The following AKAP19 variants were observed in gnomAD, a reference collection of about 807,000 sequenced individuals.
AKAP19 encodes the protein small A-kinase anchoring protein.
At chr2:189,982,037 G>A in the AKAP19 span, among the ~76,000 whole-genome samples, 19 of 96,766 alleles carry the variant, frequency 2.0e-4, no homozygotes, top group African/African-American at 8.7e-4. Context: ...TCTTAAATCT[G>A]GGTGTTGAAC....
chr2:189,940,189 G>A, the AKAP19 span, among the ~76,000 whole-genome samples: 1 of 151,672 alleles, frequency 6.6e-6, no homozygotes, highest in East Asian at 1.9e-4. Context: ...TGAGGCAGGA[G>A]AATGGCATGA....
the AKAP19 span, among the ~76,000 whole-genome samples, chr2:190,159,096 C>A: frequency 1.3e-5 from 2 of 152,158 alleles, no homozygotes; most frequent in African/African-American, 2.4e-5. Context: ...GGGAACTAGA[C>A]AAGGTAGGAG....
the AKAP19 span, among the ~76,000 whole-genome samples, chr2:189,880,772 G>A: frequency 6.6e-6 from 1 of 152,104 alleles, no homozygotes; most frequent in Non-Finnish European, 1.5e-5. Flanking sequence ...CCTAATTAAT[G>A]CAAAGGAAAT....
At chr2:190,086,914 G>A in the AKAP19 span, among the ~76,000 whole-genome samples, 2 of 152,178 alleles carry the variant, frequency 1.3e-5, no homozygotes, top group Admixed American at 6.5e-5. Context: ...ACCTCAAAGT[G>A]GCTGATGTGG....
chr2:190,111,199 A>ATC, the AKAP19 span, among the ~76,000 whole-genome samples: 1 of 152,128 alleles, frequency 6.6e-6, no homozygotes, highest in Non-Finnish European at 1.5e-5. Flanking sequence ...GAGGCATAGG[A>ATC]TCTACCAGGT....
chr2:190,167,201 C>T, the AKAP19 span, among the ~76,000 whole-genome samples: 8 of 152,184 alleles, frequency 5.3e-5, no homozygotes, highest in Non-Finnish European at 5.9e-5. Flanking sequence ...GTGAAAGGCA[C>T]GTCTCACATT....
the AKAP19 span, chr2:189,924,150 T>G: frequency 6.2e-7 from 1 of 1,611,410 alleles, no homozygotes; most frequent in Non-Finnish European, 8.5e-7. Context: ...TGATCAAGGA[T>G]GATGAAAAAG....
At chr2:189,952,988 T>G in the AKAP19 span, among the ~76,000 whole-genome samples, 5 of 152,294 alleles carry the variant, frequency 3.3e-5, no homozygotes, top group African/African-American at 4.8e-5. Context: ...TATGGTAATA[T>G]CAACAGAAAT....
At chr2:190,157,074 T>C in the AKAP19 span, among the ~76,000 whole-genome samples, 1 of 152,070 alleles carries the variant, frequency 6.6e-6, no homozygotes, top group African/African-American at 2.4e-5. Flanking sequence ...AAGAAATCAA[T>C]TCGGTTCTTA....
At chr2:189,984,583 C>G in the AKAP19 span, among the ~76,000 whole-genome samples, 2 of 152,158 alleles carry the variant, frequency 1.3e-5, no homozygotes, top group Non-Finnish European at 2.9e-5. Context: ...CGACATACAT[C>G]CTCCTCGGCT....
At chr2:190,199,677 A>C in the AKAP19 span, 2 of 1,402,874 alleles carry the variant, frequency 1.4e-6, no homozygotes, top group Non-Finnish European at 1.9e-6. Flanking sequence ...TTCAAAATGA[A>C]ACCTACCTTC....
the AKAP19 span, among the ~76,000 whole-genome samples, chr2:190,174,187 C>T: frequency 2.2e-3 from 335 of 152,330 alleles, no homozygotes; most frequent in Middle Eastern, 0.017. Context: ...CTTCCCCCAC[C>T]GTGTCTGGTG....
the AKAP19 span, chr2:190,202,406 G>A: frequency 7.2e-5 from 12 of 166,836 alleles, no homozygotes; most frequent in African/African-American, 2.4e-4. Flanking sequence ...ATCAAGACAG[G>A]AGCAAATGGG....
At chr2:190,163,457 A>AC in the AKAP19 span, among the ~76,000 whole-genome samples, 16 of 125,532 alleles carry the variant, frequency 1.3e-4, no homozygotes, top group South Asian at 2.5e-4. Context: ...ACAAAAAACA[A>AC]AAAAAAAAAA....
At chr2:190,142,797 A>G in the AKAP19 span, among the ~76,000 whole-genome samples, 226 of 152,340 alleles carry the variant, frequency 1.5e-3, 4 homozygotes, top group East Asian at 0.04. Context: ...TTCAAGGACA[A>G]GTCAGAAAAT....
At chr2:190,042,855 G>T in the AKAP19 span, among the ~76,000 whole-genome samples, 1 of 152,126 alleles carries the variant, frequency 6.6e-6, no homozygotes, top group African/African-American at 2.4e-5. Context: ...CTATATTTAT[G>T]CTTCTTTCAA....
chr2:189,889,370 A>C, the AKAP19 span, among the ~76,000 whole-genome samples: 8 of 152,194 alleles, frequency 5.3e-5, no homozygotes, highest in Non-Finnish European at 1.0e-4. Flanking sequence ...ATTGATGTTC[A>C]TCAGTGATAT....
At chr2:190,124,118 C>T in the AKAP19 span, among the ~76,000 whole-genome samples, 1 of 152,224 alleles carries the variant, frequency 6.6e-6, no homozygotes, top group African/African-American at 2.4e-5. Context: ...ATGCTACTGG[C>T]ATCTCAGGGT....
chr2:189,927,087 T>C, the AKAP19 span, among the ~76,000 whole-genome samples: 2 of 152,046 alleles, frequency 1.3e-5, no homozygotes, highest in African/African-American at 4.8e-5. Flanking sequence ...GACAGATCCC[T>C]GTCTCTCTGT....
Sources: allele counts gnomAD v4.1 joint callset (sites outside exome capture counted in the v4.1 genomes callset), GRCh38; gene constraint gnomAD v4.1.1; transcripts MANE v1.5; gene names NCBI Gene and HGNC (gene_info 2026-07-23, HGNC 2026-07-21).